The following EXOC4 variants were observed in gnomAD, a reference collection of about 807,000 sequenced individuals.
The protein encoded by EXOC4 is exocyst complex component 4.
In EXOC4, 71 loss-of-function variants were observed where a neutral mutation model predicts 107.2. That is an observed-to-expected ratio of 0.66 (90% CI 0.55 to 0.81). The LOEUF is 0.81. EXOC4 is among the 30% of genes least tolerant of loss of function. The probability of loss-of-function intolerance (pLI) is 0.00; values close to 1 mark genes in which losing one functional copy is unlikely to be tolerated. For missense variants in EXOC4, 1,108 were observed against 1,189.6 expected (o/e 0.93, Z 1.01); for synonymous variants, 456 against 441.2 (o/e 1.03, Z -0.42).
At chr7:133,570,615 G>C (rs777608737) in intron 9 of EXOC4, among the ~76,000 whole-genome samples, 3 of 152,168 alleles carry the variant, frequency 2.0e-5, no homozygotes, top group Admixed American at 6.5e-5. Context: ...CTTTGAGAAG[G>C]CTAGACCATG....
At chr7:133,554,924 G>C (rs1270680933) in intron 9 of EXOC4, among the ~76,000 whole-genome samples, 1 of 152,158 alleles carries the variant, frequency 6.6e-6, no homozygotes, top group African/African-American at 2.4e-5. Flanking sequence ...ACCTCATCTT[G>C]TTGTTTCCCT....
At chr7:133,949,954 G>C (rs1800652210) in intron 14 of EXOC4, among the ~76,000 whole-genome samples, 2 of 152,080 alleles carry the variant, frequency 1.3e-5, no homozygotes, top group African/African-American at 4.8e-5. Context: ...ATTGGGATGT[G>C]CAGTAAGGCC....
chr7:134,023,175 A>C (rs1795064852), intron 17 of EXOC4, among the ~76,000 whole-genome samples: 1 of 152,222 alleles, frequency 6.6e-6, no homozygotes, highest in Admixed American at 6.5e-5. Flanking sequence ...CGAGTCTAGA[A>C]TATCCCATCC....
intron 14 of EXOC4, among the ~76,000 whole-genome samples, chr7:133,989,221 C>T (rs1794189591): frequency 6.6e-6 from 1 of 152,118 alleles, no homozygotes. Flanking sequence ...ATTGATGTAT[C>T]ACCTATAAAA....
chr7:133,461,411 T>C (rs1480714848), intron 7 of EXOC4, among the ~76,000 whole-genome samples: 1 of 152,230 alleles, frequency 6.6e-6, no homozygotes, highest in Non-Finnish European at 1.5e-5. Flanking sequence ...GAATTTGCAA[T>C]TGTTATCTCT....
intron 5 of EXOC4, among the ~76,000 whole-genome samples, chr7:133,353,758 C>T (rs1795962786): frequency 6.6e-6 from 1 of 152,002 alleles, no homozygotes; most frequent in Non-Finnish European, 1.5e-5. Context: ...CCTTTCAGAG[C>T]TCCCACAATG....
intron 11 of EXOC4, among the ~76,000 whole-genome samples, chr7:133,849,605 G>A (rs1334504796): frequency 1.3e-5 from 2 of 152,056 alleles, no homozygotes; most frequent in African/African-American, 4.8e-5. Flanking sequence ...TTAAGTCCAC[G>A]CTTATGAGCC....
At chr7:133,710,609 G>C (rs1026301837) in intron 10 of EXOC4, among the ~76,000 whole-genome samples, 1 of 145,492 alleles carries the variant, frequency 6.9e-6, no homozygotes, top group Non-Finnish European at 1.5e-5. Flanking sequence ...GCAGTGAGCC[G>C]AGATCCCGCC....
chr7:133,600,966 A>G (rs558825833), intron 9 of EXOC4, among the ~76,000 whole-genome samples: 2 of 152,210 alleles, frequency 1.3e-5, no homozygotes, highest in East Asian at 1.9e-4. Context: ...AATACTGTCA[A>G]TGTACATTTG....
At chr7:133,688,265 T>G (rs1794348781) in intron 10 of EXOC4, among the ~76,000 whole-genome samples, 1 of 152,200 alleles carries the variant, frequency 6.6e-6, no homozygotes. Context: ...ACACAGTGCA[T>G]GGAATAGGCA....
intron 14 of EXOC4, among the ~76,000 whole-genome samples, chr7:133,981,803 C>A (rs1793986368): frequency 6.6e-6 from 1 of 152,038 alleles, no homozygotes; most frequent in African/African-American, 2.4e-5. Context: ...TATATGTATG[C>A]AAATGTTGAC....
intron 10 of EXOC4, among the ~76,000 whole-genome samples, chr7:133,810,192 A>G (rs867549402): frequency 1.3e-5 from 2 of 152,208 alleles, no homozygotes; most frequent in Non-Finnish European, 2.9e-5. Context: ...AGCTTCTACA[A>G]TACGATATAG....
At chr7:133,504,206 AATTAT>A (rs1799627225) in intron 9 of EXOC4, among the ~76,000 whole-genome samples, 1 of 152,170 alleles carries the variant, frequency 6.6e-6, no homozygotes, top group South Asian at 2.1e-4. Flanking sequence ...ATTTAATATT[AATTAT>A]ATTAACATCA....
chr7:133,481,331 T>A (rs866589434), intron 9 of EXOC4, among the ~76,000 whole-genome samples: 55 of 152,166 alleles, frequency 3.6e-4, no homozygotes, highest in African/African-American at 1.3e-3. Context: ...AAGGAGTGAT[T>A]ACATAAATTG....
intron 17 of EXOC4, among the ~76,000 whole-genome samples, chr7:134,014,238 C>CAAA (rs1794841043): frequency 6.6e-6 from 1 of 152,134 alleles, no homozygotes; most frequent in Non-Finnish European, 1.5e-5. Context: ...CCTGTCTCTA[C>CAAA]TAAAAATACA....
chr7:134,087,455 A>G, the EXOC4 span, among the ~76,000 whole-genome samples: 1 of 152,324 alleles, frequency 6.6e-6, no homozygotes, highest in African/African-American at 2.4e-5. Context: ...GAGTAACCTC[A>G]TCCTCTTTCC....
chr7:133,985,289 C>A (rs1794088956), intron 14 of EXOC4, among the ~76,000 whole-genome samples: 1 of 152,126 alleles, frequency 6.6e-6, no homozygotes. Context: ...TAAAACATCC[C>A]CTCTGTGAAA....
intron 14 of EXOC4, among the ~76,000 whole-genome samples, chr7:133,988,402 T>TTGTTAAA (rs1184838212): frequency 6.6e-6 from 1 of 152,232 alleles, no homozygotes; most frequent in Non-Finnish European, 1.5e-5. Flanking sequence ...CAATCTGTTA[T>TTGTTAAA]TATGTTCTTT....
intron 5 of EXOC4, among the ~76,000 whole-genome samples, chr7:133,329,697 C>T (rs779055384): frequency 2.6e-4 from 40 of 152,148 alleles, no homozygotes; most frequent in African/African-American, 8.4e-4. Context: ...TGTAGGTCTG[C>T]TGGAGTTTGC....
Sources: gnomAD v4.1 joint callset for allele counts (sites outside exome capture counted in the v4.1 genomes callset) on GRCh38, gnomAD v4.1.1 for gene constraint, MANE v1.5 for transcripts, NCBI Gene and HGNC (gene_info 2026-07-23, HGNC 2026-07-21) for gene names.